Variants in IMMP2L observed in about 807,000 individuals in gnomAD.
The protein encoded by IMMP2L is mitochondrial inner membrane protease subunit 2.
Under a neutral mutation model 19.3 loss-of-function variants are expected in IMMP2L, and 18 were observed. The observed-to-expected ratio is 0.93, with a 90% CI of 0.64 to 1.38. The LOEUF (loss-of-function observed/expected upper bound fraction) is 1.38, where lower values mean the gene tolerates loss of function less well. Ranked by LOEUF, IMMP2L falls within the 40% of genes most tolerant of loss-of-function variation. The probability of loss-of-function intolerance (pLI) is 0.00; values close to 1 mark genes in which losing one functional copy is unlikely to be tolerated. For missense variants in IMMP2L, 233 were observed against 218.2 expected, an observed-to-expected ratio of 1.07 and a Z score of -0.43; for synonymous variants, 76 against 73.0, an observed-to-expected ratio of 1.04 and a Z score of -0.21.
chr7:111,125,737 T>A (rs1223723989), intron 3 of IMMP2L, among the ~76,000 whole-genome samples: 2 of 152,108 alleles, frequency 1.3e-5, no homozygotes, highest in Non-Finnish European at 2.9e-5. Context: ...ATTATTAGGT[T>A]GAGATAATAT....
At chr7:110,864,042 T>C (rs1807727579) in intron 5 of IMMP2L, among the ~76,000 whole-genome samples, 4 of 152,090 alleles carry the variant, frequency 2.6e-5, no homozygotes, top group Admixed American at 6.6e-5. Flanking sequence ...GTAACACATA[T>C]TTAGAAAAAG....
At chr7:111,355,250 A>G (rs1828580342) in intron 3 of IMMP2L, among the ~76,000 whole-genome samples, 1 of 151,906 alleles carries the variant, frequency 6.6e-6, no homozygotes, top group East Asian at 1.9e-4. Context: ...AAAAATCAAA[A>G]TGAATAAATT....
intron 3 of IMMP2L, among the ~76,000 whole-genome samples, chr7:111,373,419 C>A (rs1830418887): frequency 2.0e-5 from 3 of 151,896 alleles, no homozygotes; most frequent in Admixed American, 2.0e-4. Flanking sequence ...TGAGAAAAAA[C>A]ACTGAATAAA....
intron 3 of IMMP2L, among the ~76,000 whole-genome samples, chr7:111,137,181 A>C (rs214856): frequency 0.056 from 8,593 of 152,172 alleles, 467 homozygotes; most frequent in African/African-American, 0.14. Flanking sequence ...AAATGTGGTA[A>C]ATTTCCTCCA....
At chr7:111,119,229 A>G (rs1800279528) in intron 3 of IMMP2L, among the ~76,000 whole-genome samples, 1 of 152,190 alleles carries the variant, frequency 6.6e-6, no homozygotes, top group South Asian at 2.1e-4. Context: ...CTTTGTACCT[A>G]GGTTTTTCCT....
chr7:110,765,058 T>C (rs1798574513), intron 5 of IMMP2L, among the ~76,000 whole-genome samples: 1 of 152,014 alleles, frequency 6.6e-6, no homozygotes, highest in Non-Finnish European at 1.5e-5. Context: ...ACCTAGACAT[T>C]TTGCCGCTAT....
At chr7:111,071,645 A>G (rs1169008412) in intron 3 of IMMP2L, among the ~76,000 whole-genome samples, 1 of 152,212 alleles carries the variant, frequency 6.6e-6, no homozygotes, top group Non-Finnish European at 1.5e-5. Context: ...TGGGTCACAT[A>G]TAATTCCAAC....
chr7:110,777,912 T>C (rs904967427), intron 5 of IMMP2L, among the ~76,000 whole-genome samples: 15 of 152,042 alleles, frequency 9.9e-5, no homozygotes, highest in African/African-American at 3.4e-4. Flanking sequence ...TCATTTATTG[T>C]TCTGTTAGTC....
rs2129589331 is a variant in IMMP2L at position 111,123,088 on chromosome 7, T to A, written c.240-159523A>T. On this transcript the variant is annotated intron_variant, in intron 3 of 5. Transcript: ENST00000405709. The surrounding 1 kb of genome is among the most constrained non-coding windows in gnomAD (Gnocchi z 6.4). ...GGATTTATCTCAAAACAATTTATCTTCAGTCACCAATATTAATGTAAAAAA... is the reference window on the plus strand; with the variant it reads ...GGATTTATCTCAAAACAATTTATCTACAGTCACCAATATTAATGTAAAAAA... 6.2e-7 allele frequency: 1 copy of A among 1,613,796 alleles called. No individual in the cohort carries two copies. Among genetic ancestry groups the A allele is most frequent in the East Asian group, 2.2e-5 (1 of 44,820 alleles).
rs546483036 is a variant in IMMP2L at position 111,304,831 on chromosome 7, T to G, written c.239+182407A>C. 6.6e-5 allele frequency among the ~76,000 whole-genome samples: 10 copies of G among 151,898 alleles called. No individual in the cohort carries two copies. The South Asian group carries it at 2.1e-3, about 32-fold the overall frequency. ...ATTAGAAGGGAAATTTAAGAAAGTTTAAACCTTACCTTTCCTATTTTCCTC... is the reference window on the plus strand; with the variant it reads ...ATTAGAAGGGAAATTTAAGAAAGTTGAAACCTTACCTTTCCTATTTTCCTC... On this transcript the variant is annotated intron_variant, in intron 3 of 5. Transcript: ENST00000405709.
At chr7:111,459,992 T>A (rs769623619) in intron 3 of IMMP2L, among the ~76,000 whole-genome samples, 3 of 152,088 alleles carry the variant, frequency 2.0e-5, no homozygotes, top group Admixed American at 6.6e-5. Context: ...GAAAGAAAAA[T>A]GCTTCATGGA....
chr7:110,933,086 T>C (rs1239143883), intron 4 of IMMP2L, among the ~76,000 whole-genome samples: 3 of 152,212 alleles, frequency 2.0e-5, no homozygotes, highest in East Asian at 1.9e-4. Context: ...ATTAACTTTA[T>C]CATGTACAGT....
chr7:111,146,892 T>A (rs941665812), intron 3 of IMMP2L, among the ~76,000 whole-genome samples: 1 of 152,058 alleles, frequency 6.6e-6, no homozygotes, highest in Non-Finnish European at 1.5e-5. Flanking sequence ...ATCCTCCATC[T>A]CCTAACATTT....
rs201051720 is a variant in IMMP2L, at chr7:110,668,778, C to CT, written c.409-5058dup. On this transcript the variant is annotated intron_variant, in intron 5 of 5. Transcript: ENST00000405709. The stretch of plus-strand genomic sequence containing the variant: ...TATGGGAATGCAAAATTCAGGGTTT[C>CT]TTTTTTTTAATATTGAGAATAATAG... Among the ~76,000 whole-genome samples the CT allele has an allele frequency of 2.8e-3, 405 of 144,092 alleles. 3 individuals carry two copies. The highest frequency in any genetic ancestry group is 0.011 in the African/African-American group (396 of 37,374). The allele number at this position is 144,092 out of a possible 152,430, so 94.5% of individuals were successfully genotyped here.
intron 3 of IMMP2L, among the ~76,000 whole-genome samples, chr7:111,041,426 A>C (rs6466371): frequency 0.71 from 108,131 of 151,692 alleles, 39,263 homozygotes; most frequent in African/African-American, 0.82. Context: ...ATATCCAATT[A>C]TAGAAAAAGG....
chr7:111,035,727 T>C (rs1172900443), intron 3 of IMMP2L, among the ~76,000 whole-genome samples: 2 of 152,158 alleles, frequency 1.3e-5, no homozygotes, highest in African/African-American at 4.8e-5. Context: ...TAGATAACAA[T>C]AAGAAATTAC....
intron 5 of IMMP2L, among the ~76,000 whole-genome samples, chr7:110,679,672 G>T (rs946568549): frequency 6.6e-6 from 1 of 152,130 alleles, no homozygotes; most frequent in Non-Finnish European, 1.5e-5. Context: ...CTCTGCTGGG[G>T]TTACCTCTGT....
chr7:111,197,319 C>T (rs1452511480), intron 3 of IMMP2L, among the ~76,000 whole-genome samples: 1 of 151,792 alleles, frequency 6.6e-6, no homozygotes, highest in Non-Finnish European at 1.5e-5. Flanking sequence ...AAAAATTAGC[C>T]GGGCGTGGTG....
intron 5 of IMMP2L, among the ~76,000 whole-genome samples, chr7:110,691,635 CA>C (rs1181506291): frequency 6.6e-6 from 1 of 151,618 alleles, no homozygotes; most frequent in Admixed American, 6.6e-5. Flanking sequence ...AAATCCTATC[CA>C]AAAAGTGGGC....
Sources: allele counts gnomAD v4.1 joint callset (sites outside exome capture counted in the v4.1 genomes callset), GRCh38; gene constraint gnomAD v4.1.1; non-coding constraint Gnocchi (gnomAD v3.1); transcripts MANE v1.5; gene names NCBI Gene and HGNC (gene_info 2026-07-23, HGNC 2026-07-21).